The following AP4B1 variants were observed in gnomAD, a reference collection of about 807,000 sequenced individuals.
The protein encoded by AP4B1 is AP-4 complex subunit beta-1.
Under a neutral mutation model 76.5 loss-of-function variants are expected in AP4B1, and 49 were observed. The ratio of observed to expected loss-of-function variants is 0.64; its 90% CI spans 0.51 to 0.81. The LOEUF (loss-of-function observed/expected upper bound fraction) is 0.81, where lower values mean the gene tolerates loss of function less well. Ranked by LOEUF, AP4B1 falls within the 40% of genes least tolerant of loss-of-function variation. The probability of loss-of-function intolerance (pLI) is 0.00; values close to 1 mark genes in which losing one functional copy is unlikely to be tolerated. For missense variants in AP4B1, 911 were observed against 904.9 expected, an observed-to-expected ratio of 1.01 and a Z score of -0.09; for synonymous variants, 330 against 333.3, an observed-to-expected ratio of 0.99 and a Z score of 0.11.
chr1:113,899,410 T>G, intron 5 of AP4B1: 1 of 932,118 alleles, frequency 1.1e-6, no homozygotes, highest in Non-Finnish European at 1.3e-6. Context: ...ACATAGCCCA[T>G]AGCAGAAGCT....
intron 3 of AP4B1, 101 bp downstream of exon 3, chr1:113,901,654 A>G: frequency 6.6e-7 from 1 of 1,512,810 alleles, no homozygotes; most frequent in Non-Finnish European, 9.1e-7. Context: ...ATATGTACAG[A>G]ACTGGGGCCA....
At chr1:113,899,305 T>C (rs1667913474) in intron 5 of AP4B1, 2 of 1,018,308 alleles carry the variant, frequency 2.0e-6, no homozygotes, top group South Asian at 7.7e-5. Flanking sequence ...TTTCAGTTTT[T>C]GAGTCACTCC....
chr1:113,900,355 A>AAAGT lies in AP4B1; in HGVS notation c.659_662dup (p.Phe221LeufsTer11). 6.2e-7 allele frequency: 1 copy of AAAGT among 1,611,352 alleles called. No individual in the cohort carries two copies. ...CACTGCGGGGTTGGTAGCGTAGCAGAAAGTTCAATACTTCAGCCTGGCCCC... is the reference window on the plus strand; with the variant it reads ...CACTGCGGGGTTGGTAGCGTAGCAGAAAGTAAGTTCAATACTTCAGCCTGGCCCC... On this transcript the variant is annotated frameshift_variant, in exon 5 of 10. Coordinates refer to ENST00000369569, the MANE Select transcript of AP4B1 (RefSeq NM_001253852.3). LOFTEE classifies it high-confidence loss of function.
At chr1:113,900,829 C>G in intron 4 of AP4B1, 1 of 277,984 alleles carries the variant, frequency 3.6e-6, no homozygotes, top group Non-Finnish European at 7.0e-6. Flanking sequence ...GTTAACTGGC[C>G]GGGCGCAGTG....
chr1:113,904,951 G>C, upstream of AP4B1: 1 of 505,726 alleles, frequency 2.0e-6, no homozygotes, highest in Non-Finnish European at 3.6e-6. Flanking sequence ...CCGTCGGCCG[G>C]CAGGCCGTTC....
chr1:113,900,577 T>TA lies in AP4B1; in HGVS notation c.618-178dup, dbSNP rs1668112435. ...ATTTAAAGTTTACACAAAAAAGGCTTAAAATTCCAAGATGAGTTGTTAATA... is the reference window on the plus strand; with the variant it reads ...ATTTAAAGTTTACACAAAAAAGGCTTAAAAATTCCAAGATGAGTTGTTAATA... On this transcript the variant is annotated intron_variant, in intron 4 of 9. Coordinates refer to ENST00000369569, the MANE Select transcript of AP4B1 (RefSeq NM_001253852.3). The TA allele has an allele frequency of 6.6e-6, 5 of 756,678 alleles. No individual in the cohort carries two copies. The South Asian group carries it at 9.4e-5, about 14-fold the overall frequency. 46.9% of individuals were successfully genotyped at this position (756,678 alleles called of 1,614,324 possible).
At chr1:113,902,131 C>T (rs1419614351) in intron 2 of AP4B1, 1 of 503,754 alleles carries the variant, frequency 2.0e-6, no homozygotes, top group Non-Finnish European at 3.6e-6. Flanking sequence ...CCTTGAATTC[C>T]CGGGCCCAAG....
chr1:113,898,886 A>G (rs1667847993), intron 5 of AP4B1, 85 bp from the exon 6 acceptor site: 1 of 1,137,544 alleles, frequency 8.8e-7, no homozygotes, highest in African/African-American at 1.6e-5. Flanking sequence ...GTGAAAGACA[A>G]AAGAAACAGA....
intron 1 of AP4B1, 129 bp downstream of exon 1, chr1:113,904,476 G>T: frequency 1.1e-6 from 1 of 870,804 alleles, no homozygotes; most frequent in Non-Finnish European, 2.0e-6. Context: ...CAAAGCAGCA[G>T]GACGAAGACC....
rs1329745976 is a variant in AP4B1, at chr1:113,896,430, A to G, written c.1338T>C (p.His446=). 6.2e-7 allele frequency: 1 copy of G among 1,614,222 alleles called. No homozygotes were observed. The highest frequency in any genetic ancestry group is 1.1e-5 in the South Asian group (1 of 91,088). ...AAGGAGCATTAGGAATTCTTTCCCC[A>G]TGGACACCAAGTAGCCAAATAAGTG... The part of the protein sequence containing the change: ...KQALIWLLGV[H]GERIPNAPYV... The change falls in exon 8 of 10, where the codon CAT becomes CAC. Residue 446 remains histidine, a synonymous_variant. Coordinates refer to ENST00000369569, the MANE Select transcript of AP4B1 (RefSeq NM_001253852.3).
chr1:113,899,703 C>T, intron 5 of AP4B1: 1 of 756,462 alleles, frequency 1.3e-6, no homozygotes, highest in Non-Finnish European at 2.1e-6. Flanking sequence ...GATACAGCAA[C>T]ACCAATCTTG....
At chr1:113,898,550 A>G (rs1323061342) in intron 6 of AP4B1, among the ~76,000 whole-genome samples, 168 bp downstream of exon 6, 1 of 152,200 alleles carries the variant, frequency 6.6e-6, no homozygotes, top group African/African-American at 2.4e-5. Context: ...AAGACTCAAT[A>G]TCCTATTAGA....
chr1:113,896,485 G>C lies in AP4B1; in HGVS notation c.1303-20C>G. 1 of 1,612,416 alleles carries C rather than the reference G, an allele frequency of 6.2e-7. No individual in the cohort carries two copies. The highest frequency in any genetic ancestry group is 8.5e-7 in the Non-Finnish European group (1 of 1,178,432). On this transcript the variant is annotated intron_variant, in intron 7 of 9. Transcript: ENST00000369569. ...CTTCCCCTAGAGAATAAAGGAATAAGAGCAAGTGCTCAACACTTGACTGTC... is the reference window on the plus strand; with the variant it reads ...CTTCCCCTAGAGAATAAAGGAATAACAGCAAGTGCTCAACACTTGACTGTC...
Position 113,895,849 on chromosome 1 carries a change from TAC to T in AP4B1, c.1698_1699del (p.Tyr567TrpfsTer10). On this transcript the variant is annotated frameshift_variant, in exon 9 of 10. Transcript: ENST00000369569. LOFTEE classifies it high-confidence loss of function. The stretch of plus-strand genomic sequence containing the variant: ...GATAGTTGCCCAGTGGGCTTTGCCA[TAC>T]ACTGGCACCAGTGTGTTGAAGTCTG... 6.2e-7 allele frequency: 1 copy of T among 1,614,248 alleles called. No homozygotes were observed. The highest frequency in any genetic ancestry group is 8.5e-7 in the Non-Finnish European group (1 of 1,180,034).
intron 1 of AP4B1, 133 bp from the exon 2 acceptor site, chr1:113,902,995 T>G (rs1261128578): frequency 2.6e-6 from 2 of 763,276 alleles, no homozygotes; most frequent in Non-Finnish European, 4.6e-6. Flanking sequence ...AGGATTACCT[T>G]GTCTATTATA....
Position 113,896,429 on chromosome 1 carries a change from C to A in AP4B1, c.1339G>T (p.Gly447Trp). Residue 447 changes from glycine (G) to tryptophan (W), a missense_variant, in exon 8 of 10, where the codon GGG (glycine) becomes TGG (tryptophan). Gly to Trp is a radical substitution (Grantham distance 184). Transcript: ENST00000369569. ...TAAGGAGCATTAGGAATTCTTTCCCCATGGACACCAAGTAGCCAAATAAGT... is the reference window on the plus strand; with the variant it reads ...TAAGGAGCATTAGGAATTCTTTCCCAATGGACACCAAGTAGCCAAATAAGT... Reference protein sequence around the residue: ...QALIWLLGVHGERIPNAPYVL... With the variant: ...QALIWLLGVHWERIPNAPYVL... The A allele has an allele frequency of 6.2e-7, 1 of 1,614,198 alleles. No individual in the cohort carries two copies. The highest frequency in any genetic ancestry group is 8.5e-7 in the Non-Finnish European group (1 of 1,180,040).
In AP4B1 at chr1:113,898,798, C is replaced by A. The variant is rs370213016; in HGVS notation, c.1118G>T (p.Gly373Val). ...TTGATCTGTGTAAGTCCTGGCAATG[C>A]CACCTACAAAAGAAGGGAAAGCAGA... ...FAQAAIFAIG[G>V]IARTYTDQCV... Residue 373 changes from glycine (G) to valine (V), a missense_variant, in exon 6 of 10, where the codon GGC becomes GTC. Transcript: ENST00000369569. 3 of 1,607,452 alleles carry A rather than the reference C, an allele frequency of 1.9e-6. No homozygotes were observed. The South Asian group carries it at 3.3e-5, about 18-fold the overall frequency.
intron 5 of AP4B1, chr1:113,899,269 C>A: frequency 9.8e-7 from 1 of 1,018,006 alleles, no homozygotes. Flanking sequence ...TACTTGAAAT[C>A]CTTCAAAACT....
chr1:113,900,528 T>C, intron 4 of AP4B1, 128 bp from the exon 5 acceptor site: 2 of 1,140,224 alleles, frequency 1.8e-6, no homozygotes, highest in Non-Finnish European at 2.5e-6. Flanking sequence ...GGCTGTGCCA[T>C]AATTAAGTCA....
Sources: gnomAD v4.1 joint callset for allele counts (sites outside exome capture counted in the v4.1 genomes callset) on GRCh38, gnomAD v4.1.1 for gene constraint, MANE v1.5 for transcripts, NCBI Gene and HGNC (gene_info 2026-07-23, HGNC 2026-07-21) for gene names.